SLC4A7: variants seen among roughly 807,000 people sequenced by gnomAD.
SLC4A7 encodes the protein sodium bicarbonate cotransporter 3.
In SLC4A7, 51 loss-of-function variants were observed where a neutral mutation model predicts 137.6. The ratio of observed to expected loss-of-function variants is 0.37; its 90% CI spans 0.30 to 0.47. SLC4A7 has a LOEUF of 0.47. Ranked by LOEUF, SLC4A7 falls within the 20% of genes least tolerant of loss-of-function variation. SLC4A7 has a pLI of 1.00. For missense variants in SLC4A7, 1,247 were observed against 1,525.4 expected, an observed-to-expected ratio of 0.82 and a Z score of 3.04; for synonymous variants, 542 against 518.6, an observed-to-expected ratio of 1.05 and a Z score of -0.61.
At chr3:27,393,473 A>G (rs1169323670) in intron 20 of SLC4A7, among the ~76,000 whole-genome samples, 2 of 152,228 alleles carry the variant, frequency 1.3e-5, no homozygotes, top group African/African-American at 4.8e-5. Context: ...GTGTAAAAAG[A>G]ATTTATCAAT....
chr3:27,434,241 A>G, intron 5 of SLC4A7, 137 bp from the exon 6 acceptor site: 1 of 561,434 alleles, frequency 1.8e-6, no homozygotes, highest in Non-Finnish European at 3.0e-6. Flanking sequence ...CAAATAATCA[A>G]TGCAGAAATG....
chr3:27,466,080 A>G lies in SLC4A7; in HGVS notation c.61-13582T>C, dbSNP rs541199658. ...AATTACTTTTTCTGTACAGGAACAT[A>G]ATACAGGAATGTAACTAGATGTAAA... On this transcript the variant is annotated intron_variant, in intron 1 of 25. Coordinates refer to ENST00000454389, the MANE Select transcript of SLC4A7 (RefSeq NM_001321103.2). 2.1e-3 allele frequency among the ~76,000 whole-genome samples: 317 copies of G among 152,308 alleles called. 3 individuals are homozygous for G. The highest frequency in any genetic ancestry group is 7.3e-3 in the African/African-American group (303 of 41,570).
intron 18 of SLC4A7, among the ~76,000 whole-genome samples, chr3:27,396,728 A>G (rs2052211142): frequency 1.3e-5 from 2 of 152,178 alleles, no homozygotes; most frequent in Admixed American, 6.5e-5. Flanking sequence ...AAGAAGTCAT[A>G]TAACTTGTTA....
chr3:27,420,483 C>CA (rs914311328), intron 10 of SLC4A7, among the ~76,000 whole-genome samples: 3 of 150,960 alleles, frequency 2.0e-5, no homozygotes, highest in Non-Finnish European at 4.4e-5. Flanking sequence ...ATGTTTAAAA[C>CA]AAAAAAAAAT....
intron 9 of SLC4A7, among the ~76,000 whole-genome samples, chr3:27,421,287 T>A (rs1337242693): frequency 2.0e-5 from 3 of 151,806 alleles, no homozygotes; most frequent in Non-Finnish European, 2.9e-5. Context: ...ATCACTTAAG[T>A]AGGAGTTCGA....
chr3:27,461,006 C>A (rs1423449240), intron 1 of SLC4A7, among the ~76,000 whole-genome samples: 2 of 151,984 alleles, frequency 1.3e-5, no homozygotes, highest in Non-Finnish European at 2.9e-5. Flanking sequence ...AAAATTATAA[C>A]CAGAAACCAA....
intron 1 of SLC4A7, among the ~76,000 whole-genome samples, chr3:27,463,477 T>A (rs375352142): frequency 6.6e-6 from 1 of 151,698 alleles, no homozygotes; most frequent in African/African-American, 2.4e-5. Flanking sequence ...GTGGTGGCGG[T>A]TGCAGTCAGC....
At position 27,376,798 on chromosome 3, in the gene SLC4A7, C is replaced by G. The variant is rs1431474629; in HGVS notation, c.3746G>C (p.Arg1249Thr). 6.3e-7 allele frequency: 1 copy of G among 1,599,804 alleles called. No homozygotes were observed. The highest frequency in any genetic ancestry group is 1.7e-5 in the Admixed American group (1 of 59,160). ...AGTTTCAGCATCCACGTATTTCTTT[C>G]TTGGTTCATCTTCAAAACTTATTTT... ...SVKISFEDEPRKKYVDAETSL is the reference protein window; with the variant it reads ...SVKISFEDEPTKKYVDAETSL The change falls in exon 26 of 26, where the codon AGA (arginine) becomes ACA (threonine). Residue 1249 changes from arginine (R) to threonine (T), a missense_variant. Arg to Thr is a moderately conservative substitution (Grantham distance 71). This residue lies in a region of SLC4A7 where 290 missense variants were observed against 323.8 expected (regional missense o/e 0.90). Coordinates refer to ENST00000454389, the MANE Select transcript of SLC4A7 (RefSeq NM_001321103.2).
At chr3:27,405,086 C>T (rs185107502) in intron 13 of SLC4A7, 123 bp from the exon 14 acceptor site, 4 of 486,178 alleles carry the variant, frequency 8.2e-6, no homozygotes. Flanking sequence ...AAACCAACAC[C>T]ACTTTGAGTT....
rs572188410 is a variant in SLC4A7, at chr3:27,400,549, C to T, written c.2427+215G>A. Among the ~76,000 whole-genome samples, 16 of 152,248 alleles carry T rather than the reference C, an allele frequency of 1.1e-4. 1 individual carries two copies. In the South Asian group the frequency reaches 3.3e-3, roughly 32 times the overall value. On this transcript the variant is annotated intron_variant, in intron 16 of 25. Coordinates refer to ENST00000454389, the MANE Select transcript of SLC4A7 (RefSeq NM_001321103.2). ...ATCTTGGAAGTCAAATATAATCCAC[C>T]TTTATCTCTCGTGCCAGTTTCATTC...
chr3:27,481,639 C>G (rs946622229), intron 1 of SLC4A7, among the ~76,000 whole-genome samples: 3 of 152,188 alleles, frequency 2.0e-5, no homozygotes, highest in Non-Finnish European at 4.4e-5. Context: ...CTTTACTATT[C>G]TCCCATTCTA....
intron 20 of SLC4A7, among the ~76,000 whole-genome samples, chr3:27,392,783 G>T (rs961712987): frequency 2.0e-5 from 3 of 151,854 alleles, no homozygotes; most frequent in African/African-American, 7.3e-5. Flanking sequence ...CCAAGATCAT[G>T]TCACTGCACT....
At chr3:27,472,657 C>T (rs1425671722) in intron 1 of SLC4A7, among the ~76,000 whole-genome samples, 1 of 152,170 alleles carries the variant, frequency 6.6e-6, no homozygotes. Context: ...CCTCACACCT[C>T]CAATATGAAT....
chr3:27,480,275 C>T (rs1396445864), intron 1 of SLC4A7, among the ~76,000 whole-genome samples: 1 of 152,166 alleles, frequency 6.6e-6, no homozygotes, highest in African/African-American at 2.4e-5. Context: ...ACTCTGTCAC[C>T]CAGGCTGCAG....
intron 22 of SLC4A7, 152 bp from the exon 23 acceptor site, chr3:27,386,175 ATTAT>A (rs2050925827): frequency 8.2e-6 from 4 of 490,192 alleles, no homozygotes; most frequent in South Asian, 9.2e-5. Context: ...AATTGAGTCA[ATTAT>A]TTATCTTTTT....
At chr3:27,455,903 C>G (rs1401808967) in intron 1 of SLC4A7, among the ~76,000 whole-genome samples, 1 of 152,010 alleles carries the variant, frequency 6.6e-6, no homozygotes, top group Non-Finnish European at 1.5e-5. Flanking sequence ...TTTAAAAACC[C>G]AGCATCAACA....
At chr3:27,395,741 T>C (rs1253768004) in intron 18 of SLC4A7, among the ~76,000 whole-genome samples, 1 of 152,196 alleles carries the variant, frequency 6.6e-6, no homozygotes, top group Non-Finnish European at 1.5e-5. Context: ...AATAAAGGGC[T>C]GTTATTCAAA....
In SLC4A7 at chr3:27,383,205, G is replaced by C; in HGVS notation, c.3538C>G (p.Pro1180Ala). 6.2e-7 allele frequency: 1 copy of C among 1,613,314 alleles called. No homozygotes were observed. Reference protein sequence around the residue: ...LQDDDDTVHLPFEGGSLLQIP... With the variant: ...LQDDDDTVHLAFEGGSLLQIP... ...TGCAAGAGACTTCCCCCTTCAAATG[G>C]AAGGTGCACAGTATCATCATCATCT... Residue 1180 changes from proline to alanine, a missense_variant, in exon 24 of 26, where the codon CCA becomes GCA. By Grantham distance (27) the Pro-to-Ala change is conservative. Transcript: ENST00000454389.
intron 6 of SLC4A7, among the ~76,000 whole-genome samples, chr3:27,432,038 T>C (rs1341986109): frequency 1.3e-5 from 2 of 152,144 alleles, no homozygotes; most frequent in Non-Finnish European, 2.9e-5. Flanking sequence ...TTAATATAAC[T>C]CAAACCAAAA....
Sources: gnomAD v4.1 joint callset for allele counts (sites outside exome capture counted in the v4.1 genomes callset) on GRCh38, gnomAD v4.1.1 for gene constraint, gnomAD v4.1.1 regional missense constraint, MANE v1.5 for transcripts, NCBI Gene and HGNC (gene_info 2026-07-23, HGNC 2026-07-21) for gene names.